PRKACB: variants seen among roughly 807,000 people sequenced by gnomAD.
PRKACB encodes protein kinase cAMP-activated catalytic subunit beta.
In PRKACB, 16 loss-of-function variants were observed where a neutral mutation model predicts 51.4. The observed-to-expected ratio is 0.31, with a 90% CI of 0.21 to 0.47. PRKACB has a LOEUF of 0.47. Ranked by LOEUF, PRKACB falls within the 20% of genes least tolerant of loss-of-function variation. The pLI, the probability that PRKACB is intolerant of heterozygous loss-of-function variation, is 1.00. For synonymous variants in PRKACB, 147 were observed against 154.4 expected (o/e 0.95, Z 0.35); for missense variants, 309 against 464.5 (o/e 0.67, Z 3.08).
At chr1:84,105,494 G>A (rs1344308452) in intron 1 of PRKACB, among the ~76,000 whole-genome samples, 1 of 151,994 alleles carries the variant, frequency 6.6e-6, no homozygotes, top group Non-Finnish European at 1.5e-5. Flanking sequence ...AAAAAGAAAA[G>A]AAGAAAAATC....
intron 9 of PRKACB, among the ~76,000 whole-genome samples, chr1:84,232,302 C>G (rs557027750): frequency 1.4e-3 from 213 of 152,098 alleles, no homozygotes; most frequent in Non-Finnish European, 2.5e-3. Flanking sequence ...GTTATAATTT[C>G]TGTTCTTTTA....
At chr1:84,205,930 A>T (rs1671271156) in intron 8 of PRKACB, among the ~76,000 whole-genome samples, 1 of 152,184 alleles carries the variant, frequency 6.6e-6, no homozygotes, top group Admixed American at 6.5e-5. Flanking sequence ...CCTCATCCTA[A>T]CAATACATAT....
chr1:84,138,941 T>G (rs1653111971), intron 1 of PRKACB, among the ~76,000 whole-genome samples: 2 of 152,104 alleles, frequency 1.3e-5, no homozygotes, highest in Non-Finnish European at 2.9e-5. Context: ...CCACATGATT[T>G]TATCAACAAA....
intron 1 of PRKACB, among the ~76,000 whole-genome samples, chr1:84,162,634 T>A (rs959889848): frequency 2.6e-5 from 4 of 152,196 alleles, no homozygotes; most frequent in African/African-American, 9.6e-5. Flanking sequence ...TTTTTATTTT[T>A]AAATAGTTTT....
chr1:84,195,848 G>A (rs1426901784), intron 5 of PRKACB, among the ~76,000 whole-genome samples: 1 of 151,188 alleles, frequency 6.6e-6, no homozygotes, highest in Non-Finnish European at 1.5e-5. Flanking sequence ...AGGAGGCGGA[G>A]TTTGCAGTGA....
At chr1:84,192,260 A>G (rs1667022323) in intron 5 of PRKACB, among the ~76,000 whole-genome samples, 1 of 152,176 alleles carries the variant, frequency 6.6e-6, no homozygotes, top group South Asian at 2.1e-4. Context: ...ATACTGGAAT[A>G]GACAAAGAAC....
chr1:84,189,583 G>A (rs1004693228), intron 5 of PRKACB, among the ~76,000 whole-genome samples: 8 of 151,868 alleles, frequency 5.3e-5, no homozygotes, highest in African/African-American at 1.9e-4. Flanking sequence ...ATCATGTGTA[G>A]TGTGACACAG....
At chr1:84,154,369 T>C (rs1055959943) in intron 1 of PRKACB, among the ~76,000 whole-genome samples, 7 of 152,114 alleles carry the variant, frequency 4.6e-5, no homozygotes, top group Non-Finnish European at 8.8e-5. Context: ...AGCTTTTAGT[T>C]TGATGCAATG....
In PRKACB at chr1:84,182,247, A is replaced by G; in HGVS notation, c.297A>G (p.Thr99=). 1 of 1,600,042 alleles carries G rather than the reference A, an allele frequency of 6.2e-7. No individual in the cohort carries two copies. ...EDFERKKTLG[T]GSFGRVMLVK... Reference sequence around the variant, plus strand: ...TTGAAAGGAAAAAAACCCTTGGAACAGGTTCATTTGGAAGAGTCATGTTGG... The same window carrying G: ...TTGAAAGGAAAAAAACCCTTGGAACGGGTTCATTTGGAAGAGTCATGTTGG... The change falls in exon 3 of 10, where the codon ACA becomes ACG. Residue 99 remains threonine (T), a synonymous_variant. Coordinates refer to ENST00000370685, the MANE Select transcript of PRKACB (RefSeq NM_182948.4).
intron 9 of PRKACB, among the ~76,000 whole-genome samples, chr1:84,218,126 C>T (rs1342150976): frequency 2.0e-5 from 3 of 152,070 alleles, no homozygotes; most frequent in Non-Finnish European, 4.4e-5. Context: ...CTACCTTGAT[C>T]GTTTATTGTT....
chr1:84,148,534 G>A (rs1271720260), intron 1 of PRKACB, among the ~76,000 whole-genome samples: 1 of 152,040 alleles, frequency 6.6e-6, no homozygotes, highest in African/African-American at 2.4e-5. Flanking sequence ...TAAATCTTGA[G>A]TTATTTGTTA....
At chr1:84,078,091 ACCGCCGTCGCCGCCGCCGCCGCCG>A, upstream of PRKACB, 1 of 405,510 alleles carries the variant, frequency 2.5e-6, no homozygotes, top group Non-Finnish European at 4.2e-6. Context: ...TGCTGCTGCC[ACCGCCGTCGCCGCCGCCGCCGCCG>A]CCGCCGCTGC....
intron 1 of PRKACB, among the ~76,000 whole-genome samples, chr1:84,097,537 A>G (rs1571565777): frequency 6.6e-6 from 1 of 152,056 alleles, no homozygotes; most frequent in South Asian, 2.1e-4. Flanking sequence ...GATTATTTCT[A>G]TAATAAATCT....
rs141117693 is a variant in PRKACB, at chr1:84,188,585, C to T, written c.560+3403C>T. 2.6e-3 allele frequency among the ~76,000 whole-genome samples: 389 copies of T among 150,928 alleles called. 3 individuals carry two copies. The highest frequency in any genetic ancestry group is 0.018 in the East Asian group (91 of 5,172). ...AGACAATAACCAGAATTATGAATAA[C>T]GTTAATTTCTCTGAATTTATATAAT... On this transcript the variant is annotated intron_variant, in intron 5 of 9. Coordinates refer to ENST00000370685, the MANE Select transcript of PRKACB (RefSeq NM_182948.4).
chr1:84,199,395 CAT>C (rs989838492), intron 7 of PRKACB, among the ~76,000 whole-genome samples: 13 of 152,044 alleles, frequency 8.6e-5, no homozygotes, highest in African/African-American at 2.4e-4. Context: ...CAAGTGAAAA[CAT>C]GTGGTATTTG....
chr1:84,094,722 A>T (rs775052202), intron 1 of PRKACB, among the ~76,000 whole-genome samples: 16 of 151,986 alleles, frequency 1.1e-4, no homozygotes, highest in Non-Finnish European at 2.1e-4. Context: ...ACACACACAT[A>T]CACATACACA....
intron 5 of PRKACB, among the ~76,000 whole-genome samples, chr1:84,187,169 A>C (rs555035315): frequency 3.3e-5 from 5 of 152,158 alleles, no homozygotes; most frequent in East Asian, 3.9e-4. Context: ...GAGAATGCCA[A>C]ACTTTGCAAG....
chr1:84,085,695 G>T, intron 1 of PRKACB: 1 of 194,790 alleles, frequency 5.1e-6, no homozygotes, highest in Non-Finnish European at 1.1e-5. Flanking sequence ...CCCTTGTCAG[G>T]CAGGGAGGGC....
At chr1:84,194,894 G>A (rs974981840) in intron 5 of PRKACB, among the ~76,000 whole-genome samples, 10 of 152,036 alleles carry the variant, frequency 6.6e-5, no homozygotes, top group Admixed American at 1.3e-4. Context: ...TCATGCTACA[G>A]CACTCCAGCC....
Sources: gnomAD v4.1 joint callset for allele counts (sites outside exome capture counted in the v4.1 genomes callset) on GRCh38, gnomAD v4.1.1 for gene constraint, MANE v1.5 for transcripts, NCBI Gene and HGNC (gene_info 2026-07-23, HGNC 2026-07-21) for gene names.